SEPTIN8: variants seen among roughly 807,000 people sequenced by gnomAD.
SEPTIN8 encodes the protein septin 8.
SEPTIN8 carries 22 observed loss-of-function variants against 53.1 expected under a neutral mutation model. That is an observed-to-expected ratio of 0.41 (90% CI 0.30 to 0.59). The LOEUF (loss-of-function observed/expected upper bound fraction) is 0.59. Among genes scored for constraint, SEPTIN8 ranks in the 20% least tolerant of loss-of-function variants. The pLI is 0.24. For synonymous variants in SEPTIN8, 228 were observed against 248.4 expected (o/e 0.92, Z 0.77); for missense variants, 536 against 638.7 (o/e 0.84, Z 1.73).
chr5:132,763,640 CAG>C, intron 4 of SEPTIN8, 64 bp downstream of exon 4: 4 of 1,480,130 alleles, frequency 2.7e-6, no homozygotes, highest in Non-Finnish European at 3.7e-6. Context: ...AGGCATGAGG[CAG>C]CCACCACATC....
intron 9 of SEPTIN8, chr5:132,757,060 A>G: frequency 1.0e-6 from 1 of 985,404 alleles, no homozygotes. Context: ...ACCTTTTTAG[A>G]TACCCTCACT....
intron 9 of SEPTIN8, among the ~76,000 whole-genome samples, chr5:132,752,407 T>C (rs1754925746): frequency 6.6e-6 from 1 of 152,142 alleles, no homozygotes; most frequent in African/African-American, 2.4e-5. Context: ...ACTGGACCAA[T>C]GGGGGTGGTC....
intron 1 of SEPTIN8, among the ~76,000 whole-genome samples, chr5:132,766,553 G>C (rs2149985031): frequency 6.6e-6 from 1 of 152,336 alleles, no homozygotes; most frequent in South Asian, 2.1e-4. Context: ...CTGGAGGGCA[G>C]ACCTTAGGCA....
rs1243927232 is a variant in SEPTIN8 at position 132,763,822 on chromosome 5, G to A, written c.418C>T (p.Arg140Cys). ...NYLQEELKIR[R>C]SLFDYHDTRI... ...GTGTCATGGTAGTCGAAGAGCGAGCGGCGGATCTTCAGCTCCTCCTGCAGA... is the reference window on the plus strand; with the variant it reads ...GTGTCATGGTAGTCGAAGAGCGAGCAGCGGATCTTCAGCTCCTCCTGCAGA... Residue 140 changes from arginine (R) to cysteine (C), a missense_variant, in exon 4 of 10, where the codon CGC (arginine) becomes TGC (cysteine). By Grantham distance (180) the Arg-to-Cys change is radical. Transcript: ENST00000378719. The A allele has an allele frequency of 2.5e-6, 4 of 1,611,216 alleles. No individual in the cohort carries two copies. The highest frequency in any genetic ancestry group is 3.4e-6 in the Non-Finnish European group (4 of 1,178,806).
chr5:132,770,096 T>A (rs1581187321), intron 1 of SEPTIN8, among the ~76,000 whole-genome samples: 1 of 22,946 alleles, frequency 4.4e-5, no homozygotes, highest in Non-Finnish European at 6.7e-5. Flanking sequence ...TATGTATATA[T>A]ATATGTATAT....
intron 9 of SEPTIN8, chr5:132,753,356 C>CT (rs1755025779): frequency 4.2e-6 from 1 of 237,962 alleles, no homozygotes; most frequent in African/African-American, 2.2e-5. Context: ...GGCTGAAGGG[C>CT]TGGGGCTAGC....
chr5:132,765,623 C>A, intron 1 of SEPTIN8, 94 bp from the exon 2 acceptor site: 1 of 1,388,172 alleles, frequency 7.2e-7, no homozygotes, highest in East Asian at 2.5e-5. Flanking sequence ...AACAGTGAAG[C>A]AGCCCCACCC....
rs1318562652 is a variant in SEPTIN8, at chr5:132,757,744, A to G, written c.1286+3058T>C. ...GCTTGTAAACCAACAGGAGCATAGA[A>G]GAGTCAAAGCTGCTAGTACTTCCTT... On this transcript the variant is annotated intron_variant, in intron 9 of 9. Transcript: ENST00000378719. The G allele has an allele frequency of 9.1e-6, 9 of 985,342 alleles. No individual in the cohort carries two copies. The Admixed American group carries it at 4.9e-4, about 54-fold the overall frequency. The allele number at this position is 985,342 out of a possible 1,614,324, so 61.0% of individuals were successfully genotyped here.
chr5:132,775,795 G>A (rs534279242), intron 1 of SEPTIN8: 11 of 152,190 alleles, frequency 7.2e-5, no homozygotes, highest in Admixed American at 1.3e-4. Context: ...GCCCTCCTCC[G>A]GTACATAAAT....
At chr5:132,777,300 G>A (rs1159144329), upstream of SEPTIN8, 4 of 1,092,746 alleles carry the variant, frequency 3.7e-6, no homozygotes, top group Non-Finnish European at 4.4e-6. The surrounding 1 kb of genome is among the most constrained non-coding windows in gnomAD (Gnocchi z 4.1). Flanking sequence ...AGAAGCCGCG[G>A]AGCCGCCCCT....
At position 132,761,616 on chromosome 5, in the gene SEPTIN8, C is replaced by T; in HGVS notation, c.804G>A (p.Glu268=). Residue 268 remains glutamate (E), a synonymous_variant, in exon 7 of 10, where the codon GAG becomes GAA. Coordinates refer to ENST00000378719, the MANE Select transcript of SEPTIN8 (RefSeq NM_001098811.2). The surrounding 1 kb of genome is among the most constrained non-coding windows in gnomAD (Gnocchi z 5.8). Reference sequence around the variant, plus strand: ...GCAGCTTCACGAAGTCGCAGTGATTCTCATTCTCCACTGAAAGCAGAGGGC... The same window carrying T: ...GCAGCTTCACGAAGTCGCAGTGATTTTCATTCTCCACTGAAAGCAGAGGGC... The part of the protein sequence containing the change: ...YPWGVVQVEN[E]NHCDFVKLRE... 3 of 1,613,794 alleles carry T rather than the reference C, an allele frequency of 1.9e-6. No individual in the cohort carries two copies. The highest frequency in any genetic ancestry group is 2.5e-6 in the Non-Finnish European group (3 of 1,179,894).
chr5:132,751,476 C>T lies in SEPTIN8; in HGVS notation c.*540G>A, dbSNP rs931185519. On this transcript the variant is annotated 3_prime_UTR_variant, in exon 10 of 10. Transcript: ENST00000378719. ...TTTTAGTTGGGGGAATGATGGTCAT[C>T]CTTAAGGATATGATTCTGTTAGTAA... 14 of 190,434 alleles carry T rather than the reference C, an allele frequency of 7.4e-5. No individual in the cohort carries two copies. Among genetic ancestry groups the T allele is most frequent in the African/African-American group, 3.1e-4 (13 of 42,058 alleles). 11.8% of individuals were successfully genotyped at this position (190,434 alleles called of 1,614,324 possible). A position where few individuals can be genotyped will look rare whatever the true frequency, so the allele number is the denominator to read the frequency against.
intron 9 of SEPTIN8, chr5:132,758,493 G>T: frequency 6.2e-7 from 1 of 1,612,534 alleles, no homozygotes. Context: ...GCCTTCGCTA[G>T]AGCGGCACAT....
chr5:132,763,599 C>T, intron 4 of SEPTIN8, 107 bp downstream of exon 4: 2 of 1,081,718 alleles, frequency 1.8e-6, no homozygotes, highest in South Asian at 2.9e-5. Context: ...CCCACAAGCC[C>T]CCGACCAGGT....
chr5:132,761,289 G>C lies in SEPTIN8; in HGVS notation c.963-24C>G. 1 of 1,611,934 alleles carries C rather than the reference G, an allele frequency of 6.2e-7. No homozygotes were observed. The highest frequency in any genetic ancestry group is 8.5e-7 in the Non-Finnish European group (1 of 1,179,968). On this transcript the variant is annotated intron_variant, in intron 7 of 9. Coordinates refer to ENST00000378719, the MANE Select transcript of SEPTIN8 (RefSeq NM_001098811.2). This position sits in a 1 kb window ranked among gnomAD's most constrained non-coding sequence, Gnocchi z 5.8. ...GGCTGTGGAGACCCAGAGAAAAGAG[G>C]CCAAGGATGGGATTATGACGGAATG...
chr5:132,766,129 G>T (rs191410421), intron 1 of SEPTIN8, among the ~76,000 whole-genome samples: 1 of 152,312 alleles, frequency 6.6e-6, no homozygotes, highest in East Asian at 1.9e-4. Context: ...ACTCATGCAT[G>T]GACCCTGCTA....
intron 9 of SEPTIN8, chr5:132,753,092 C>T: frequency 1.3e-6 from 1 of 793,598 alleles, no homozygotes; most frequent in Non-Finnish European, 2.0e-6. Flanking sequence ...GGAAGAGCAA[C>T]TGAGAAAAAG....
At chr5:132,777,355 G>A (rs1476794475), upstream of SEPTIN8, 1 of 1,044,142 alleles carries the variant, frequency 9.6e-7, no homozygotes, top group Non-Finnish European at 1.2e-6. The surrounding 1 kb of genome is among the most constrained non-coding windows in gnomAD (Gnocchi z 4.1). Context: ...CCGGCCACGA[G>A]CGCAGCCGGA....
Position 132,761,119 on chromosome 5 carries a change from A to C in SEPTIN8, c.1095+14T>G. 3 of 1,614,094 alleles carry C rather than the reference A, an allele frequency of 1.9e-6. No individual in the cohort carries two copies. Among genetic ancestry groups the C allele is most frequent in the Non-Finnish European group, 2.5e-6 (3 of 1,179,958 alleles). On this transcript the variant is annotated intron_variant, in intron 8 of 9. Coordinates refer to ENST00000378719, the MANE Select transcript of SEPTIN8 (RefSeq NM_001098811.2). This position sits in a 1 kb window ranked among gnomAD's most constrained non-coding sequence, Gnocchi z 5.8. ...CCTCAGCTTCCCCATCCCAGCCCCC[A>C]GCCTGGCACATACCTCCCTTTCCTT...
Sources: gnomAD v4.1 joint callset for allele counts (sites outside exome capture counted in the v4.1 genomes callset) on GRCh38, gnomAD v4.1.1 for gene constraint, Gnocchi (gnomAD v3.1) non-coding constraint, MANE v1.5 for transcripts, NCBI Gene and HGNC (gene_info 2026-07-23, HGNC 2026-07-21) for gene names.